The following MESP1 variants were observed in gnomAD, a reference collection of about 807,000 sequenced individuals.
The protein encoded by MESP1 is mesoderm posterior bHLH transcription factor 1.
MESP1 carries 22 observed loss-of-function variants against 15.2 expected under a neutral mutation model. The ratio of observed to expected loss-of-function variants is 1.45; its 90% CI spans 1.04 to 2.07. MESP1 has a LOEUF of 2.07. Ranked by LOEUF, MESP1 falls within the 30% of genes most tolerant of loss-of-function variation. MESP1 has a pLI of 0.00. For missense variants in MESP1, 484 were observed against 411.9 expected, an observed-to-expected ratio of 1.17 and a Z score of -1.51; for synonymous variants, 216 against 192.6, an observed-to-expected ratio of 1.12 and a Z score of -1.01.
the MESP1 span, chr15:89,737,947 A>G: frequency 7.1e-7 from 1 of 1,409,662 alleles, no homozygotes; most frequent in Admixed American, 2.2e-5. Context: ...CAGCCTTTAT[A>G]AGCAGAGAGC....
chr15:89,744,953 C>T (rs1041718709), downstream of MESP1, among the ~76,000 whole-genome samples: 2 of 152,214 alleles, frequency 1.3e-5, no homozygotes, highest in South Asian at 4.1e-4. Context: ...CTTTCCTGAA[C>T]CACTCACTGT....
At chr15:89,733,295 C>A in the MESP1 span, 4 of 1,401,126 alleles carry the variant, frequency 2.9e-6, no homozygotes, top group Non-Finnish European at 3.9e-6. Context: ...TAAAATCTGA[C>A]AGCCTCTCTG....
At chr15:89,745,882 C>T (rs999052941), downstream of MESP1, among the ~76,000 whole-genome samples, 4 of 79,282 alleles carry the variant, frequency 5.0e-5, no homozygotes, top group Non-Finnish European at 1.2e-4. This position sits in a 1 kb window ranked among gnomAD's most constrained non-coding sequence, Gnocchi z 4.8. Flanking sequence ...CACACCAACA[C>T]CTCCACACAT....
At chr15:89,743,127 A>C in the MESP1 span, among the ~76,000 whole-genome samples, 1 of 152,200 alleles carries the variant, frequency 6.6e-6, no homozygotes, top group Non-Finnish European at 1.5e-5. Context: ...AGGCCTTCTG[A>C]GCACCTGCTG....
At chr15:89,737,031 T>TC in the MESP1 span, among the ~76,000 whole-genome samples, 1 of 152,146 alleles carries the variant, frequency 6.6e-6, no homozygotes, top group Non-Finnish European at 1.5e-5. Flanking sequence ...GACCTCGTGA[T>TC]CCGCCCACCT....
At chr15:89,732,615 C>CCGCACA in the MESP1 span, among the ~76,000 whole-genome samples, 2 of 148,464 alleles carry the variant, frequency 1.3e-5, no homozygotes, top group African/African-American at 4.9e-5. Context: ...TGTTGTTTGG[C>CCGCACA]CACACACACA....
At chr15:89,743,173 G>T in the MESP1 span, 1 of 942,572 alleles carries the variant, frequency 1.1e-6, no homozygotes, top group Non-Finnish European at 1.7e-6. Context: ...CAGAGGCGAT[G>T]CAGGTGTGTC....
downstream of MESP1, among the ~76,000 whole-genome samples, chr15:89,747,907 CT>C (rs1244163900): frequency 6.6e-6 from 1 of 152,202 alleles, no homozygotes; most frequent in African/African-American, 2.4e-5. Context: ...ACAGGGTTTC[CT>C]CCGGGTGTGG....
At chr15:89,741,194 TCA>T in the MESP1 span, among the ~76,000 whole-genome samples, 1 of 152,226 alleles carries the variant, frequency 6.6e-6, no homozygotes, top group Non-Finnish European at 1.5e-5. Flanking sequence ...TACACATAAA[TCA>T]CACCAGAATC....
At chr15:89,735,457 T>C in the MESP1 span, 3 of 1,608,470 alleles carry the variant, frequency 1.9e-6, no homozygotes, top group South Asian at 3.3e-5. Flanking sequence ...ACTCTTAAAG[T>C]AGGAGAATGT....
the MESP1 span, chr15:89,735,464 A>G: frequency 1.2e-6 from 2 of 1,611,324 alleles, no homozygotes; most frequent in East Asian, 4.5e-5. Context: ...AAGTAGGAGA[A>G]TGTCTGTATA....
At chr15:89,733,822 C>T in the MESP1 span, among the ~76,000 whole-genome samples, 2 of 152,304 alleles carry the variant, frequency 1.3e-5, no homozygotes, top group South Asian at 4.1e-4. Context: ...TATCCAGTTT[C>T]AGGTATTCTG....
At chr15:89,735,422 TAGAAG>T in the MESP1 span, 6 of 1,513,224 alleles carry the variant, frequency 4.0e-6, no homozygotes, top group Admixed American at 5.0e-5. Context: ...GATATATGCC[TAGAAG>T]AGGATATCAA....
At chr15:89,746,223 TACTC>T (rs1212883112), downstream of MESP1, among the ~76,000 whole-genome samples, 1 of 129,454 alleles carries the variant, frequency 7.7e-6, no homozygotes, top group East Asian at 2.6e-4. Flanking sequence ...CATCCTCACT[TACTC>T]ACATCCACAC....
chr15:89,744,969 T>C (rs1462042827), downstream of MESP1, among the ~76,000 whole-genome samples: 2 of 152,162 alleles, frequency 1.3e-5, no homozygotes, highest in Admixed American at 1.3e-4. Flanking sequence ...ACTGTAATGA[T>C]GGTCAGGGCT....
At chr15:89,740,037 T>C in the MESP1 span, among the ~76,000 whole-genome samples, 2 of 152,202 alleles carry the variant, frequency 1.3e-5, no homozygotes, top group Admixed American at 6.5e-5. Flanking sequence ...AAAACACATA[T>C]TGTGCACCTG....
At chr15:89,742,409 C>T in the MESP1 span, among the ~76,000 whole-genome samples, 7 of 152,028 alleles carry the variant, frequency 4.6e-5, no homozygotes, top group Admixed American at 1.3e-4. Flanking sequence ...CACAACCCCA[C>T]TGACAGCCCC....
At chr15:89,747,481 C>T (rs1319821030), downstream of MESP1, among the ~76,000 whole-genome samples, 2 of 152,220 alleles carry the variant, frequency 1.3e-5, 1 homozygote, top group East Asian at 3.8e-4. Flanking sequence ...CAGCGGGCAG[C>T]TAGTTGGCCT....
chr15:89,751,075 C>CGCGGGGCTCGG lies in MESP1; in HGVS notation c.156_157insCCGAGCCCCGC (p.Ala53ProfsTer21), dbSNP rs763577487. The CGCGGGGCTCGG allele has an allele frequency of 9.1e-6, 12 of 1,316,454 alleles. No homozygotes were observed. The highest frequency in any genetic ancestry group is 1.2e-5 in the Non-Finnish European group (12 of 1,037,870). 81.5% of individuals were successfully genotyped at this position (1,316,454 alleles called of 1,614,324 possible). A position where few individuals can be genotyped will look rare whatever the true frequency, so the allele number is the denominator to read the frequency against. ...AGGGTGCCTGGCCGCGCGGGGCTCG[C>CGCGGGGCTCGG]CACGGGGCTGTCGGCTGGGGTGCTG... On this transcript the variant is annotated frameshift_variant, in exon 1 of 2. Coordinates refer to ENST00000300057, the MANE Select transcript of MESP1 (RefSeq NM_018670.4). LOFTEE classifies it high-confidence loss of function.
Sources: allele counts gnomAD v4.1 joint callset (sites outside exome capture counted in the v4.1 genomes callset), GRCh38; gene constraint gnomAD v4.1.1; non-coding constraint Gnocchi (gnomAD v3.1); transcripts MANE v1.5; gene names NCBI Gene and HGNC (gene_info 2026-07-23, HGNC 2026-07-21).